Variants in NEGR1 observed in about 807,000 individuals in gnomAD.
The protein encoded by NEGR1 is IgLON family member 4.
A neutral mutation model predicts 40.9 loss-of-function variants in NEGR1; 10 were observed. The ratio of observed to expected loss-of-function variants is 0.24; its 90% confidence interval spans 0.15 to 0.42. The LOEUF (loss-of-function observed/expected upper bound fraction) is 0.42. NEGR1 is among the 10% of genes least tolerant of loss of function. The pLI is 1.00. For missense variants in NEGR1, 352 were observed against 438.9 expected (o/e 0.80, Z 1.77); for synonymous variants, 185 against 166.8 (o/e 1.11, Z -0.84).
At position 71,396,656 on chromosome 1, in the gene NEGR1, A is replaced by G. The variant is rs1646214307; in HGVS notation, c.*10790T>C. The G allele has an allele frequency of 1.3e-5, 2 of 152,314 alleles. No individual in the cohort carries two copies. Among genetic ancestry groups the G allele is most frequent in the South Asian group, 2.1e-4 (1 of 4,834 alleles). The allele number at this position is 152,314 out of a possible 1,614,324, so 9.4% of individuals were successfully genotyped here. ...TGAACCATGGGGGCAGGTCTTTCCCATGCTGTTCTCATGACAGTGAGTAAG... is the reference window on the plus strand; with the variant it reads ...TGAACCATGGGGGCAGGTCTTTCCCGTGCTGTTCTCATGACAGTGAGTAAG... On this transcript the variant is annotated 3_prime_UTR_variant, in exon 7 of 7. Transcript: ENST00000357731.
At position 71,611,011 on chromosome 1, in the gene NEGR1, T is replaced by C; in HGVS notation, c.788+15A>G. ...CAAAGTGCTTAGAACACAGTAATAA[T>C]CACAAAGTCCTCACTTCTTCTCTCC... On this transcript the variant is annotated intron_variant, in intron 5 of 6. Transcript: ENST00000357731. 1 of 1,612,996 alleles carries C rather than the reference T, an allele frequency of 6.2e-7. No individual in the cohort carries two copies. The highest frequency in any genetic ancestry group is 1.3e-5 in the African/African-American group (1 of 74,988).
intron 2 of NEGR1, among the ~76,000 whole-genome samples, chr1:71,780,901 C>A (rs781218307): frequency 1.3e-5 from 2 of 152,142 alleles, no homozygotes; most frequent in Non-Finnish European, 2.9e-5. Flanking sequence ...TGTCTTCAGG[C>A]CAGGTATGAG....
rs965381513 is a variant in NEGR1, at chr1:71,861,149, T to C, written c.409+73930A>G. 2.0e-5 allele frequency among the ~76,000 whole-genome samples: 3 copies of C among 152,216 alleles called. No individual in the cohort carries two copies. The East Asian group carries it at 5.8e-4, about 29-fold the overall frequency. ...ATCACAGTCTCTGGAGCTAGCAGCC[T>C]GGATTTGCATCACATCTAATAACTG... On this transcript the variant is annotated intron_variant, in intron 2 of 6. Transcript: ENST00000357731.
At chr1:72,147,250 G>A (rs970367326) in intron 1 of NEGR1, among the ~76,000 whole-genome samples, 1 of 152,080 alleles carries the variant, frequency 6.6e-6, no homozygotes, top group Non-Finnish European at 1.5e-5. Flanking sequence ...GATTTAATTG[G>A]ACTTACAGTT....
At chr1:71,721,357 G>T (rs150554205) in intron 3 of NEGR1, among the ~76,000 whole-genome samples, 12 of 152,160 alleles carry the variant, frequency 7.9e-5, no homozygotes, top group African/African-American at 2.6e-4. Context: ...GATGTGGTTG[G>T]CATTCAGTCA....
intron 1 of NEGR1, among the ~76,000 whole-genome samples, chr1:72,237,281 G>T (rs888776202): frequency 2.6e-5 from 4 of 151,892 alleles, no homozygotes; most frequent in African/African-American, 7.2e-5. Flanking sequence ...GAACCTGATA[G>T]GATTCTTAAA....
chr1:72,133,919 A>C (rs1570017842), intron 1 of NEGR1, among the ~76,000 whole-genome samples: 1 of 151,928 alleles, frequency 6.6e-6, no homozygotes, highest in African/African-American at 2.4e-5. Context: ...TGCACAAAGA[A>C]TGTTTTAATT....
chr1:71,669,223 G>A (rs771236111), intron 4 of NEGR1, among the ~76,000 whole-genome samples: 1 of 151,956 alleles, frequency 6.6e-6, no homozygotes, highest in Non-Finnish European at 1.5e-5. Context: ...CATGTTTCAT[G>A]ATCTATCTCT....
chr1:71,545,630 T>C (rs1647869557), intron 6 of NEGR1, among the ~76,000 whole-genome samples: 1 of 151,658 alleles, frequency 6.6e-6, no homozygotes, highest in Non-Finnish European at 1.5e-5. Flanking sequence ...GTGATGTTTT[T>C]CAGAATATGA....
chr1:71,786,886 G>A (rs7554424), intron 2 of NEGR1, among the ~76,000 whole-genome samples: 4,539 of 152,270 alleles, frequency 0.03, 221 homozygotes, highest in African/African-American at 0.1. Context: ...AAAAATATTT[G>A]TTTCCGGTAC....
chr1:71,434,867 G>C (rs538230075), intron 6 of NEGR1, among the ~76,000 whole-genome samples: 21 of 152,268 alleles, frequency 1.4e-4, no homozygotes, highest in Non-Finnish European at 2.8e-4. Context: ...CAAGGCGGGC[G>C]GATCACGAGG....
At chr1:72,194,574 A>C (rs1017323715) in intron 1 of NEGR1, among the ~76,000 whole-genome samples, 3 of 151,978 alleles carry the variant, frequency 2.0e-5, no homozygotes, top group Admixed American at 2.0e-4. Flanking sequence ...AAAAACTGAA[A>C]ATAACCAGGA....
intron 2 of NEGR1, among the ~76,000 whole-genome samples, chr1:71,817,054 G>A (rs1658249191): frequency 2.6e-5 from 4 of 151,860 alleles, no homozygotes; most frequent in Admixed American, 2.6e-4. Context: ...GTTTTTAATA[G>A]TTTGCATTCT....
intron 4 of NEGR1, among the ~76,000 whole-genome samples, chr1:71,673,572 T>C (rs79350996): frequency 0.013 from 1,951 of 152,164 alleles, 17 homozygotes; most frequent in Admixed American, 0.021. Flanking sequence ...TCCCTCAAAA[T>C]TGGAAACATT....
chr1:71,538,748 G>T (rs1011557642), intron 6 of NEGR1, among the ~76,000 whole-genome samples: 1 of 151,644 alleles, frequency 6.6e-6, no homozygotes, highest in African/African-American at 2.4e-5. Context: ...TCACACTTTT[G>T]CCCTAAGCAG....
At chr1:72,104,104 A>G (rs1649044616) in intron 1 of NEGR1, among the ~76,000 whole-genome samples, 1 of 152,010 alleles carries the variant, frequency 6.6e-6, no homozygotes, top group African/African-American at 2.4e-5. Flanking sequence ...CATGGAGAAC[A>G]TAAAGTTTTG....
At chr1:71,469,402 T>C (rs1646767937) in intron 6 of NEGR1, among the ~76,000 whole-genome samples, 2 of 152,084 alleles carry the variant, frequency 1.3e-5, no homozygotes, top group African/African-American at 4.8e-5. Flanking sequence ...ATTTGCTCTG[T>C]AATTAAATTC....
chr1:71,456,753 C>T (rs1646675833), intron 6 of NEGR1, among the ~76,000 whole-genome samples: 1 of 152,190 alleles, frequency 6.6e-6, no homozygotes, highest in African/African-American at 2.4e-5. Flanking sequence ...CACCAATGGA[C>T]ATGTTTTTAC....
rs187659935 is a variant in NEGR1, at chr1:72,200,363, G to T, written c.176+81956C>A. Reference sequence around the variant, plus strand: ...AAAAAAGAATGAAATCATGTCCTCTGAAGCTCCATGGATGTTGCTGGGAGC... The same window carrying T: ...AAAAAAGAATGAAATCATGTCCTCTTAAGCTCCATGGATGTTGCTGGGAGC... On this transcript the variant is annotated intron_variant, in intron 1 of 6. Transcript: ENST00000357731. Among the ~76,000 whole-genome samples the T allele has an allele frequency of 1.1e-4, 17 of 152,044 alleles. No homozygotes were observed. In the East Asian group the frequency reaches 3.1e-3, roughly 28 times the overall value.
Sources: allele counts gnomAD v4.1 joint callset (sites outside exome capture counted in the v4.1 genomes callset), GRCh38; gene constraint gnomAD v4.1.1; transcripts MANE v1.5; gene names NCBI Gene and HGNC (gene_info 2026-07-23, HGNC 2026-07-21).